The following OSBPL10 variants were observed in gnomAD, a reference collection of about 807,000 sequenced individuals.
OSBPL10 encodes the protein oxysterol binding protein like 10.
A neutral mutation model predicts 81.7 loss-of-function variants in OSBPL10; 49 were observed. The observed-to-expected ratio is 0.60, with a 90% CI of 0.48 to 0.76. The LOEUF is 0.76. Ranked by LOEUF, OSBPL10 falls within the 30% of genes least tolerant of loss-of-function variation. The pLI is 0.00. For missense variants in OSBPL10, 923 were observed against 987.8 expected, an observed-to-expected ratio of 0.93 and a Z score of 0.88; for synonymous variants, 419 against 383.6, an observed-to-expected ratio of 1.09 and a Z score of -1.08.
intron 1 of OSBPL10, among the ~76,000 whole-genome samples, chr3:31,898,527 T>C (rs1255461412): frequency 2.0e-5 from 3 of 151,678 alleles, no homozygotes; most frequent in Non-Finnish European, 4.4e-5. Flanking sequence ...GGAGGATCAT[T>C]TGAGCCCAGG....
intron 1 of OSBPL10, among the ~76,000 whole-genome samples, chr3:31,892,691 C>G (rs1695930634): frequency 6.6e-6 from 1 of 152,182 alleles, no homozygotes; most frequent in Admixed American, 6.5e-5. Flanking sequence ...ACTGGGGCAG[C>G]AGGGTTCTGC....
At chr3:31,956,565 A>C (rs1231678353) in intron 1 of OSBPL10, among the ~76,000 whole-genome samples, 1 of 152,064 alleles carries the variant, frequency 6.6e-6, no homozygotes, top group East Asian at 1.9e-4. Flanking sequence ...CTAAAAATAC[A>C]AAACAAAAAA....
intron 3 of OSBPL10, among the ~76,000 whole-genome samples, chr3:31,872,134 A>T (rs1345244003): frequency 1.3e-5 from 2 of 152,214 alleles, no homozygotes; most frequent in African/African-American, 4.8e-5. Flanking sequence ...ACCTCAAGTA[A>T]CACCGGAAAC....
intron 4 of OSBPL10, among the ~76,000 whole-genome samples, chr3:31,770,593 C>G (rs1559457510): frequency 6.6e-6 from 1 of 152,128 alleles, no homozygotes; most frequent in African/African-American, 2.4e-5. Flanking sequence ...TCGAGACCAG[C>G]CTGACCAACA....
intron 3 of OSBPL10, among the ~76,000 whole-genome samples, chr3:31,834,056 C>T (rs1020531073): frequency 3.9e-5 from 6 of 152,268 alleles, no homozygotes; most frequent in Non-Finnish European, 1.5e-5. Context: ...TCTTACCCTT[C>T]ATAAATCCCA....
intron 3 of OSBPL10, among the ~76,000 whole-genome samples, chr3:31,856,375 A>T (rs1575585329): frequency 1.3e-5 from 2 of 152,356 alleles, no homozygotes; most frequent in Admixed American, 1.3e-4. Flanking sequence ...TTAAGTACCC[A>T]AAAAGTAATT....
chr3:31,684,198 T>TC, intron 7 of OSBPL10, 84 bp from the exon 8 acceptor site: 1 of 1,537,400 alleles, frequency 6.5e-7, no homozygotes, highest in African/African-American at 1.4e-5. Context: ...GCAACCACTG[T>TC]TAAGCAAATT....
At chr3:31,795,722 A>AC in intron 4 of OSBPL10, 1 of 219,140 alleles carries the variant, frequency 4.6e-6, no homozygotes. Flanking sequence ...AACAGGTCTC[A>AC]CCTCCTCACT....
At chr3:31,731,203 G>C (rs1696961269) in intron 6 of OSBPL10, among the ~76,000 whole-genome samples, 1 of 152,132 alleles carries the variant, frequency 6.6e-6, no homozygotes, top group Non-Finnish European at 1.5e-5. Context: ...AGAATCATCT[G>C]CCGTAGCACT....
chr3:31,888,930 AAATAAT>A (rs541130915), intron 1 of OSBPL10, among the ~76,000 whole-genome samples: 2,127 of 151,962 alleles, frequency 0.014, 16 homozygotes, highest in Non-Finnish European at 0.017. Context: ...TCTCAGGAAA[AAATAAT>A]AATAATAATA....
At chr3:31,907,703 C>T (rs1696452779) in intron 1 of OSBPL10, among the ~76,000 whole-genome samples, 1 of 148,734 alleles carries the variant, frequency 6.7e-6, no homozygotes, top group Admixed American at 6.7e-5. Context: ...GGACCAGGAC[C>T]AGATACTTGA....
chr3:31,738,009 AAAAAG>A (rs200168569), intron 5 of OSBPL10, among the ~76,000 whole-genome samples: 17,676 of 135,730 alleles, frequency 0.13, 2,219 homozygotes, highest in African/African-American at 0.33. Flanking sequence ...CAAAAAAAAA[AAAAAG>A]AAAGACAATA....
intron 2 of OSBPL10, among the ~76,000 whole-genome samples, chr3:32,036,124 T>G (rs1481090204): frequency 6.6e-6 from 1 of 152,226 alleles, no homozygotes; most frequent in African/African-American, 2.4e-5. Flanking sequence ...CCTAGATCGC[T>G]GCAGCCTCCA....
chr3:32,048,094 T>C (rs1236700725), intron 1 of OSBPL10, among the ~76,000 whole-genome samples: 2 of 152,132 alleles, frequency 1.3e-5, no homozygotes, highest in Non-Finnish European at 2.9e-5. Context: ...CAGCCCCTAT[T>C]AAAGATGGAG....
At chr3:31,931,936 G>A (rs996834498) in intron 1 of OSBPL10, among the ~76,000 whole-genome samples, 5 of 152,056 alleles carry the variant, frequency 3.3e-5, no homozygotes, top group African/African-American at 7.2e-5. Context: ...CAGCTAATCC[G>A]GAGGCTGAAG....
At chr3:31,707,626 T>G (rs1208630312) in intron 6 of OSBPL10, among the ~76,000 whole-genome samples, 1 of 152,172 alleles carries the variant, frequency 6.6e-6, no homozygotes, top group Non-Finnish European at 1.5e-5. Flanking sequence ...AAATGGGTAG[T>G]CTGAGGGTCA....
chr3:31,957,305 A>G (rs1698036230), intron 1 of OSBPL10, among the ~76,000 whole-genome samples: 1 of 152,102 alleles, frequency 6.6e-6, no homozygotes, highest in South Asian at 2.1e-4. Context: ...ATTACCCACA[A>G]CCTTTGACTC....
At chr3:31,681,005 G>T (rs964025912) in intron 8 of OSBPL10, among the ~76,000 whole-genome samples, 1 of 129,944 alleles carries the variant, frequency 7.7e-6, no homozygotes, top group Non-Finnish European at 1.7e-5. Context: ...TTATTGATGA[G>T]GTTTATCTAA....
chr3:31,949,215 G>A (rs1186299225), intron 1 of OSBPL10, among the ~76,000 whole-genome samples: 2 of 152,138 alleles, frequency 1.3e-5, no homozygotes, highest in African/African-American at 4.8e-5. Context: ...TTTCAGGAAG[G>A]ATTGAACCAA....
Sources: allele counts gnomAD v4.1 joint callset (sites outside exome capture counted in the v4.1 genomes callset), GRCh38; gene constraint gnomAD v4.1.1; transcripts MANE v1.5; gene names NCBI Gene and HGNC (gene_info 2026-07-23, HGNC 2026-07-21).